TAFA1: variants seen among roughly 807,000 people sequenced by gnomAD.
The protein encoded by TAFA1 is chemokine-like protein TAFA-1.
TAFA1 carries 4 observed loss-of-function variants against 18.5 expected under a neutral mutation model. The observed-to-expected ratio is 0.22, with a 90% confidence interval of 0.11 to 0.49. The LOEUF is 0.49. TAFA1 is among the 20% of genes least tolerant of loss of function. TAFA1 has a pLI of 0.98. For synonymous variants in TAFA1, 56 were observed against 55.2 expected, an observed-to-expected ratio of 1.01 and a Z score of -0.06; for missense variants, 147 against 169.0, an observed-to-expected ratio of 0.87 and a Z score of 0.72.
At chr3:67,999,409 C>A (rs893353130), upstream of TAFA1, among the ~76,000 whole-genome samples, 1 of 151,986 alleles carries the variant, frequency 6.6e-6, no homozygotes, top group Admixed American at 6.6e-5. Context: ...TACCACGTTC[C>A]CTTGAGTAAG....
intron 2 of TAFA1, among the ~76,000 whole-genome samples, chr3:68,334,326 C>G (rs955153999): frequency 3.2e-4 from 49 of 152,150 alleles, no homozygotes; most frequent in African/African-American, 1.1e-3. Flanking sequence ...AGGCATAGTT[C>G]AAAGCAGTGC....
intron 2 of TAFA1, among the ~76,000 whole-genome samples, chr3:68,126,995 G>A (rs989550077): frequency 2.0e-5 from 3 of 152,222 alleles, no homozygotes; most frequent in Non-Finnish European, 4.4e-5. Context: ...AAGGTTTCCA[G>A]ATACTGATTG....
intron 2 of TAFA1, among the ~76,000 whole-genome samples, chr3:68,322,673 G>T (rs546110057): frequency 8.6e-4 from 131 of 152,172 alleles, no homozygotes; most frequent in African/African-American, 3.1e-3. Flanking sequence ...CAGGGGCCGG[G>T]CGCTCATGCC....
intron 2 of TAFA1, among the ~76,000 whole-genome samples, chr3:68,278,158 C>T (rs2067829954): frequency 6.6e-6 from 1 of 152,118 alleles, no homozygotes. Context: ...TTTACAGTCT[C>T]ACCAACAGTA....
At chr3:68,266,376 A>G (rs762106107) in intron 2 of TAFA1, among the ~76,000 whole-genome samples, 13 of 152,174 alleles carry the variant, frequency 8.5e-5, no homozygotes, top group African/African-American at 1.2e-4. Context: ...TATACGAAAC[A>G]TAACTGCTGT....
intron 2 of TAFA1, among the ~76,000 whole-genome samples, chr3:68,121,394 G>A (rs1236450734): frequency 6.6e-6 from 1 of 151,994 alleles, no homozygotes; most frequent in Non-Finnish European, 1.5e-5. Context: ...ATTTCCCTGT[G>A]TTTTTGAAAA....
At chr3:68,356,927 G>T (rs1365721734) in intron 2 of TAFA1, among the ~76,000 whole-genome samples, 2 of 151,904 alleles carry the variant, frequency 1.3e-5, no homozygotes, top group Non-Finnish European at 2.9e-5. Context: ...AGCACAGCTA[G>T]TATCTGGACC....
intron 3 of TAFA1, among the ~76,000 whole-genome samples, chr3:68,519,366 C>T (rs1472737461): frequency 1.3e-5 from 2 of 152,170 alleles, no homozygotes; most frequent in Non-Finnish European, 2.9e-5. Flanking sequence ...TTCCCAGCCT[C>T]CAGAATTGTG....
intron 2 of TAFA1, among the ~76,000 whole-genome samples, chr3:68,343,133 A>G (rs2069111266): frequency 6.6e-6 from 1 of 152,208 alleles, no homozygotes; most frequent in African/African-American, 2.4e-5. Context: ...CTCATTACCC[A>G]TTAAGAAGCA....
At chr3:68,223,527 A>T (rs1439756467) in intron 2 of TAFA1, among the ~76,000 whole-genome samples, 1 of 99,250 alleles carries the variant, frequency 1.0e-5, no homozygotes, top group African/African-American at 3.5e-5. Context: ...TAAGCCTGTT[A>T]GGACCATTTT....
chr3:68,353,168 C>A (rs1002747658), intron 2 of TAFA1, among the ~76,000 whole-genome samples: 2 of 152,046 alleles, frequency 1.3e-5, no homozygotes, highest in Non-Finnish European at 2.9e-5. Context: ...TTATCCCCAA[C>A]TCTGATTTTT....
At chr3:68,190,738 T>C (rs2066327269) in intron 2 of TAFA1, among the ~76,000 whole-genome samples, 1 of 151,826 alleles carries the variant, frequency 6.6e-6, no homozygotes, top group Non-Finnish European at 1.5e-5. Flanking sequence ...GAATAGGAAA[T>C]ACACCATGTG....
intron 2 of TAFA1, among the ~76,000 whole-genome samples, chr3:68,267,472 G>A (rs1024247347): frequency 3.9e-5 from 6 of 152,074 alleles, no homozygotes; most frequent in Non-Finnish European, 8.8e-5. Flanking sequence ...GTGCAGCTGT[G>A]GGAAACCAAG....
At chr3:68,043,186 C>A (rs1008424883) in intron 2 of TAFA1, among the ~76,000 whole-genome samples, 1 of 152,078 alleles carries the variant, frequency 6.6e-6, no homozygotes, top group Non-Finnish European at 1.5e-5. Context: ...TTATGCCATT[C>A]TGAGTTTGTA....
At chr3:68,107,515 G>T (rs1468415159) in intron 2 of TAFA1, among the ~76,000 whole-genome samples, 1 of 151,974 alleles carries the variant, frequency 6.6e-6, no homozygotes, top group African/African-American at 2.4e-5. Context: ...AAAAATAAAA[G>T]CACAAACATG....
At chr3:68,544,064 T>C (rs1439108930) in intron 4 of TAFA1, among the ~76,000 whole-genome samples, 1 of 152,000 alleles carries the variant, frequency 6.6e-6, no homozygotes, top group Non-Finnish European at 1.5e-5. Flanking sequence ...TTACATAACA[T>C]GCAAGGCCAG....
At chr3:68,090,115 A>C (rs1470748816) in intron 2 of TAFA1, among the ~76,000 whole-genome samples, 1 of 152,194 alleles carries the variant, frequency 6.6e-6, no homozygotes, top group Admixed American at 6.5e-5. Flanking sequence ...CAGGCATCCA[A>C]ATAGCTGAGA....
chr3:68,202,947 T>C (rs1184745418), intron 2 of TAFA1, among the ~76,000 whole-genome samples: 2 of 151,766 alleles, frequency 1.3e-5, no homozygotes, highest in Non-Finnish European at 2.9e-5. Context: ...TTCTGACCCA[T>C]ATTTCTTCTC....
intron 2 of TAFA1, among the ~76,000 whole-genome samples, chr3:68,090,700 T>C (rs954522782): frequency 6.6e-6 from 1 of 152,166 alleles, no homozygotes; most frequent in African/African-American, 2.4e-5. Context: ...TTTTATGGAA[T>C]CTGGCAAAGT....
Sources: allele counts gnomAD v4.1 joint callset (sites outside exome capture counted in the v4.1 genomes callset), GRCh38; gene constraint gnomAD v4.1.1; transcripts MANE v1.5; gene names NCBI Gene and HGNC (gene_info 2026-07-23, HGNC 2026-07-21).